The following SH3KBP1 variants were observed in gnomAD, a reference collection of about 807,000 sequenced individuals.
SH3KBP1 encodes SH3 domain containing kinase binding protein 1.
SH3KBP1 carries 8 observed loss-of-function variants against 50.1 expected under a neutral mutation model. The observed-to-expected ratio is 0.16, with a 90% CI of 0.09 to 0.29. The LOEUF is 0.29. Among genes scored for constraint, SH3KBP1 ranks in the 10% least tolerant of loss-of-function variants. The pLI is 1.00. For synonymous variants in SH3KBP1, 227 were observed against 218.6 expected (o/e 1.04, Z -0.34); for missense variants, 377 against 535.2 (o/e 0.70, Z 2.92).
intron 2 of SH3KBP1, among the ~76,000 whole-genome samples, chrX:19,760,153 C>T (rs758907210): frequency 1.8e-4 from 19 of 105,584 alleles, no homozygotes; most frequent in Admixed American, 4.1e-4. Context: ...TTTGGGAGGC[C>T]GAGGCAGGTG....
rs985621430 is a variant in SH3KBP1 at position 19,697,042 on chromosome X, G to A, written c.391-1301C>T. ...CATGTGATCATGAGGGTAAACAACCGACACTCTTCAGTATACTGTTTTGCC... is the reference window on the plus strand; with the variant it reads ...CATGTGATCATGAGGGTAAACAACCAACACTCTTCAGTATACTGTTTTGCC... On this transcript the variant is annotated intron_variant, in intron 4 of 17. Coordinates refer to ENST00000397821, the MANE Select transcript of SH3KBP1 (RefSeq NM_031892.3). Among the ~76,000 whole-genome samples, 25 of 111,900 alleles carry A rather than the reference G, an allele frequency of 2.2e-4. No homozygotes were observed. The Admixed American group carries it at 2.3e-3, about 10-fold the overall frequency.
At chrX:19,676,822 TATAA>T (rs1027754145) in intron 6 of SH3KBP1, among the ~76,000 whole-genome samples, 1 of 112,491 alleles carries the variant, frequency 8.9e-6, no homozygotes, top group Non-Finnish European at 1.9e-5. Flanking sequence ...ACTATAATTC[TATAA>T]ATGAGATTCA....
chrX:19,721,205 C>G (rs1259645356), intron 3 of SH3KBP1, among the ~76,000 whole-genome samples: 3 of 110,912 alleles, frequency 2.7e-5, no homozygotes, highest in Non-Finnish European at 5.7e-5. Context: ...AAGGCTAAAC[C>G]CCTTAAGCAG....
chrX:19,874,086 T>TATATATATAA (rs1206834816), intron 1 of SH3KBP1, among the ~76,000 whole-genome samples: 1 of 86,452 alleles, frequency 1.2e-5, no homozygotes, highest in African/African-American at 5.1e-5. Flanking sequence ...TATATATATA[T>TATATATATAA]AAAACTCTAA....
At chrX:19,635,076 A>G (rs369284013) in intron 7 of SH3KBP1, among the ~76,000 whole-genome samples, 1 of 111,799 alleles carries the variant, frequency 8.9e-6, no homozygotes, top group African/African-American at 3.2e-5. Context: ...CAAACCCGGC[A>G]ACCATTAGCT....
chrX:19,670,002 A>G (rs1415000499), intron 6 of SH3KBP1, among the ~76,000 whole-genome samples: 2 of 109,434 alleles, frequency 1.8e-5, no homozygotes, highest in Admixed American at 2.0e-4. Flanking sequence ...TTTTTTTTTC[A>G]ATGAGAGACA....
intron 13 of SH3KBP1, among the ~76,000 whole-genome samples, chrX:19,554,162 TATAATATATATCATATTAAAATATA>T (rs2065380831): frequency 1.3e-5 from 1 of 76,299 alleles, no homozygotes; most frequent in African/African-American, 5.7e-5. Flanking sequence ...CATATTAAAA[TATAATATATATCATATTAAAATATA>T]ATATTATATA....
intron 6 of SH3KBP1, chrX:19,671,086 C>A: frequency 1.1e-6 from 1 of 923,585 alleles, no homozygotes; most frequent in Non-Finnish European, 1.4e-6. Flanking sequence ...GAGAGAAGTC[C>A]TCCTCCCTCG....
chrX:19,560,595 G>C (rs1016237102), intron 13 of SH3KBP1, among the ~76,000 whole-genome samples: 1 of 110,874 alleles, frequency 9.0e-6, no homozygotes, highest in Non-Finnish European at 1.9e-5. Flanking sequence ...TGCCTGAATT[G>C]GGTTATTTAT....
At chrX:19,760,025 T>TCTCTCTCTCTCTCTCC (rs1447451110) in intron 2 of SH3KBP1, among the ~76,000 whole-genome samples, 5 of 65,477 alleles carry the variant, frequency 7.6e-5, no homozygotes, top group South Asian at 5.9e-4. Context: ...CTCTCTCTCC[T>TCTCTCTCTCTCTCTCC]CTCTCTCTCT....
At chrX:19,737,261 T>C (rs2064615242) in intron 3 of SH3KBP1, among the ~76,000 whole-genome samples, 1 of 110,895 alleles carries the variant, frequency 9.0e-6, no homozygotes, top group African/African-American at 3.3e-5. Flanking sequence ...AAACTTCCCT[T>C]TGGAAAGGAG....
intron 16 of SH3KBP1, among the ~76,000 whole-genome samples, chrX:19,539,633 AGGAAGAAACACAGG>A (rs932953549): frequency 2.1e-4 from 24 of 112,116 alleles, no homozygotes; most frequent in Non-Finnish European, 2.4e-4. Flanking sequence ...GTCTATGAGG[AGGAAGAAACACAGG>A]GGAATTGACA....
intron 3 of SH3KBP1, among the ~76,000 whole-genome samples, chrX:19,720,279 A>C (rs1398497799): frequency 2.7e-5 from 3 of 109,878 alleles, no homozygotes; most frequent in Non-Finnish European, 5.7e-5. Flanking sequence ...AAATAACCCA[A>C]CCTCAGCAGG....
intron 4 of SH3KBP1, among the ~76,000 whole-genome samples, chrX:19,698,159 T>G (rs1169597114): frequency 9.0e-6 from 1 of 111,593 alleles, no homozygotes; most frequent in East Asian, 2.8e-4. Flanking sequence ...GTGCTGGTAC[T>G]GAATAAGAAA....
chrX:19,771,881 A>T (rs1244295831), intron 2 of SH3KBP1, among the ~76,000 whole-genome samples: 3 of 109,373 alleles, frequency 2.7e-5, no homozygotes, highest in African/African-American at 1.0e-4. Flanking sequence ...AAAAAAAAAA[A>T]ATTGGTTACA....
intron 2 of SH3KBP1, among the ~76,000 whole-genome samples, chrX:19,749,683 T>C (rs1026073208): frequency 8.9e-6 from 1 of 112,657 alleles, no homozygotes; most frequent in African/African-American, 3.2e-5. Flanking sequence ...GAAGTTACTG[T>C]TTGATAGTTA....
chrX:19,664,138 C>A (rs1009384854), intron 6 of SH3KBP1, among the ~76,000 whole-genome samples: 5 of 111,685 alleles, frequency 4.5e-5, no homozygotes, highest in Non-Finnish European at 9.4e-5. Context: ...CCAGAGAGAC[C>A]ACAGAACAGT....
At position 19,755,920 on chromosome X, in the gene SH3KBP1, C is replaced by T. The variant is rs765002906; in HGVS notation, c.163-9479G>A. ...TCACGTACCCCCTGCTTGCTCAAAT[C>T]GATCATGACCCTCTCACGCAGACCC... On this transcript the variant is annotated intron_variant, in intron 2 of 17. Transcript: ENST00000397821. 1.2e-4 allele frequency among the ~76,000 whole-genome samples: 13 copies of T among 111,752 alleles called. No homozygotes were observed. In the South Asian group the frequency reaches 4.9e-3, roughly 42 times the overall value.
chrX:19,827,781 CTTTTTTTTTTT>C (rs138898288), intron 2 of SH3KBP1, among the ~76,000 whole-genome samples: 4 of 36,224 alleles, frequency 1.1e-4, no homozygotes, highest in Non-Finnish European at 1.5e-4. Context: ...GAAGTGCAGT[CTTTTTTTTTTT>C]TTTTTTTTTT....
Sources: allele counts gnomAD v4.1 joint callset (sites outside exome capture counted in the v4.1 genomes callset), GRCh38; gene constraint gnomAD v4.1.1; transcripts MANE v1.5; gene names NCBI Gene and HGNC (gene_info 2026-07-23, HGNC 2026-07-21).